The following NDUFA9 variants were observed in gnomAD, a reference collection of about 807,000 sequenced individuals.
The protein encoded by NDUFA9 is NADH:ubiquinone oxidoreductase subunit A9, also known as NADH dehydrogenase [ubiquinone] 1 alpha subcomplex subunit 9, mitochondrial.
NDUFA9 carries 23 observed loss-of-function variants against 45.9 expected under a neutral mutation model. That is an observed-to-expected ratio of 0.50 (90% CI 0.36 to 0.71). The LOEUF is 0.71. NDUFA9 is among the 30% of genes least tolerant of loss of function. The pLI, the probability that NDUFA9 is intolerant of heterozygous loss-of-function variation, is 0.00. For synonymous variants in NDUFA9, 176 were observed against 170.5 expected (o/e 1.03, Z -0.25); for missense variants, 466 against 488.2 (o/e 0.95, Z 0.43).
In NDUFA9 at chr12:4,657,821, G is replaced by C. The variant is rs373552358; in HGVS notation, c.392G>C (p.Gly131Ala). Residue 131 changes from glycine (G) to alanine (A), a missense_variant, in exon 4 of 11, where the codon GGA becomes GCA. Coordinates refer to ENST00000266544, the MANE Select transcript of NDUFA9 (RefSeq NM_005002.5). Reference protein sequence around the residue: ...QHSNVVINLIGRDWETKNFDF... With the variant: ...QHSNVVINLIARDWETKNFDF... The stretch of plus-strand genomic sequence containing the variant: ...AGCAATGTGGTCATCAATCTTATTG[G>C]ACGAGACTGGGAAACCAAGTAAGTC... 10 of 1,613,048 alleles carry C rather than the reference G, an allele frequency of 6.2e-6. No homozygotes were observed. The highest frequency in any genetic ancestry group is 3.3e-4 in the Middle Eastern group (2 of 6,082).
At position 4,682,228 on chromosome 12, in the gene NDUFA9, A is replaced by T. The variant is rs756650027; in HGVS notation, c.824A>T (p.His275Leu). 1.3e-5 allele frequency: 21 copies of T among 1,612,634 alleles called. No individual in the cohort carries two copies. In the African/African-American group the frequency reaches 2.7e-4, roughly 21 times the overall value. The change falls in exon 9 of 11, where the codon CAC (histidine) becomes CTC (leucine). Residue 275 changes from histidine to leucine, a missense_variant. Physicochemically the swap from His to Leu is moderately conservative, Grantham distance 99. Coordinates refer to ENST00000266544, the MANE Select transcript of NDUFA9 (RefSeq NM_005002.5). ...AGTCCCAGTCGGTACCTCCTTTTCC[A>T]CCTGGTGAAGTACATCTTTGCTGTG... ...FVGPSRYLLF[H>L]LVKYIFAVAH...
chr12:4,692,718 G>A lies in NDUFA9; in HGVS notation c.*5610G>A, dbSNP rs1020913841. The A allele has an allele frequency of 5.3e-5, 8 of 152,252 alleles. No homozygotes were observed. Among genetic ancestry groups the A allele is most frequent in the African/African-American group, 1.4e-4 (6 of 41,400 alleles). 9.4% of individuals were successfully genotyped at this position (152,252 alleles called of 1,614,324 possible). A position where few individuals can be genotyped will look rare whatever the true frequency, so the allele number is the denominator to read the frequency against. ...GCCTAGCCCTAGAGGGAATGGAAGG[G>A]CCAGAATCCAGAGCATAGGTGGGAT... On this transcript the variant is annotated 3_prime_UTR_variant, in exon 11 of 11. Transcript: ENST00000266544.
At chr12:4,685,441 C>A in intron 10 of NDUFA9, 116 bp downstream of exon 10, 2 of 937,872 alleles carry the variant, frequency 2.1e-6, no homozygotes, top group Non-Finnish European at 3.3e-6. Context: ...TTGCTGTCTG[C>A]AGTCAGCCCC....
chr12:4,654,943 A>G, intron 3 of NDUFA9, 21 bp downstream of exon 3: 1 of 1,577,192 alleles, frequency 6.3e-7, no homozygotes, highest in Non-Finnish European at 8.7e-7. Flanking sequence ...TTATGACTGA[A>G]TGAAGTTGAC....
chr12:4,665,670 C>T (rs948727638), intron 6 of NDUFA9, among the ~76,000 whole-genome samples: 3 of 151,766 alleles, frequency 2.0e-5, no homozygotes, highest in African/African-American at 7.3e-5. Flanking sequence ...ACAGTGGCTG[C>T]ACCATTTTAC....
In NDUFA9 at chr12:4,687,179, G is replaced by T. The variant is rs985810645; in HGVS notation, c.*71G>T. ...ATGTGGTTTGAGCACCCAGCCAGGCGGTCTCTTTAGAGGATCCTGTACACA... is the reference window on the plus strand; with the variant it reads ...ATGTGGTTTGAGCACCCAGCCAGGCTGTCTCTTTAGAGGATCCTGTACACA... On this transcript the variant is annotated 3_prime_UTR_variant, in exon 11 of 11. Transcript: ENST00000266544. 5 of 1,464,410 alleles carry T rather than the reference G, an allele frequency of 3.4e-6. No homozygotes were observed. The highest frequency in any genetic ancestry group is 4.7e-6 in the Non-Finnish European group (5 of 1,075,166). 90.7% of individuals were successfully genotyped at this position (1,464,410 alleles called of 1,614,324 possible). A position where few individuals can be genotyped will look rare whatever the true frequency, so the allele number is the denominator to read the frequency against.
At chr12:4,678,968 T>C (rs1945936797) in intron 8 of NDUFA9, among the ~76,000 whole-genome samples, 1 of 152,212 alleles carries the variant, frequency 6.6e-6, no homozygotes, top group Admixed American at 6.5e-5. Flanking sequence ...AGATTTGCAC[T>C]TGAATTTTCA....
chr12:4,653,381 C>T (rs56027146), intron 1 of NDUFA9: 1 of 242,786 alleles, frequency 4.1e-6, no homozygotes, highest in South Asian at 4.7e-5. Flanking sequence ...AACTTTCTTT[C>T]TGTTAGAATG....
chr12:4,656,858 A>G (rs1015649007), intron 3 of NDUFA9, among the ~76,000 whole-genome samples: 2 of 152,236 alleles, frequency 1.3e-5, no homozygotes, highest in East Asian at 1.9e-4. Flanking sequence ...CTCCAAAGCC[A>G]CTGTTTAGAC....
intron 3 of NDUFA9, chr12:4,655,854 A>G (rs1349545673): frequency 1.3e-5 from 2 of 152,166 alleles, no homozygotes; most frequent in Non-Finnish European, 2.9e-5. Flanking sequence ...TGTCCTGGTT[A>G]TTAGGTACAG....
intron 9 of NDUFA9, among the ~76,000 whole-genome samples, chr12:4,682,753 T>A (rs777943790): frequency 3.2e-4 from 48 of 152,230 alleles, no homozygotes; most frequent in Non-Finnish European, 5.6e-4. Context: ...TTAGTTTACT[T>A]CTTCTCTTTG....
chr12:4,685,378 T>A, intron 10 of NDUFA9, 53 bp downstream of exon 10: 1 of 1,517,456 alleles, frequency 6.6e-7, no homozygotes. Context: ...GGCGTTAGAC[T>A]TATTTTGCTT....
In NDUFA9 at chr12:4,654,828, G is replaced by A. The variant is rs35263902; in HGVS notation, c.224G>A (p.Arg75His). ...LGRYVVNHLG[R>H]MGSQVIIPYR... ...TTTTCAATCCATTCTCTTTTAGGAC[G>A]CATGGGGTCACAGGTAATCATACCC... The change falls in exon 3 of 11, where the codon CGC (arginine) becomes CAC (histidine). Residue 75 changes from arginine to histidine, a missense_variant. Physicochemically the swap from Arg to His is conservative, Grantham distance 29. Transcript: ENST00000266544. 4.3e-4 allele frequency: 697 copies of A among 1,609,226 alleles called. 3 individuals carry two copies. The African/African-American group carries it at 6.7e-3, about 15-fold the overall frequency.
intron 5 of NDUFA9, among the ~76,000 whole-genome samples, chr12:4,661,204 C>T (rs562883570): frequency 2.0e-5 from 3 of 152,104 alleles, no homozygotes; most frequent in South Asian, 2.1e-4. Context: ...CTTTATATAC[C>T]GGGGTTTGTA....
rs745611828 is a variant in NDUFA9, at chr12:4,649,147, C to T, written c.21C>T (p.Ser7=). Residue 7 remains serine, a synonymous_variant, in exon 1 of 11, where the codon TCC becomes TCT. Coordinates refer to ENST00000266544, the MANE Select transcript of NDUFA9 (RefSeq NM_005002.5). ...AAAAGATGGCGGCTGCCGCACAATC[C>T]CGGGTTGTCCGGGTCCTGTCAATGT... MAAAAQ[S]RVVRVLSMSR... 4.4e-6 allele frequency: 7 copies of T among 1,604,596 alleles called. No homozygotes were observed. The highest frequency in any genetic ancestry group is 1.3e-5 in the African/African-American group (1 of 74,826).
intron 10 of NDUFA9, among the ~76,000 whole-genome samples, chr12:4,686,424 GTTTT>G (rs111320780): frequency 3.7e-5 from 5 of 135,552 alleles, no homozygotes; most frequent in Middle Eastern, 3.9e-3. Context: ...AAAGTTACTT[GTTTT>G]TTTTTTTTTT....
At position 4,668,523 on chromosome 12, in the gene NDUFA9, A is replaced by G. The variant is rs139012735; in HGVS notation, c.722A>G (p.Tyr241Cys). The G allele has an allele frequency of 1.1e-4, 175 of 1,609,448 alleles. No individual in the cohort carries two copies. In the African/African-American group the frequency reaches 2.2e-3, roughly 21 times the overall value. The change falls in exon 7 of 11, where the codon TAT becomes TGT. Residue 241 changes from tyrosine (Y) to cysteine (C), a missense_variant and splice_region_variant. Tyr to Cys is a radical substitution (Grantham distance 194). Coordinates refer to ENST00000266544, the MANE Select transcript of NDUFA9 (RefSeq NM_005002.5). ...LGWKTVKQPV[Y>C]VVDVSKGIVN... is the part of the protein sequence containing the mutation. Reference sequence around the variant, plus strand: ...TGGAAGACAGTTAAACAACCAGTATATGTAAGTACTTGGATGAAGGGGGTC... The same window carrying G: ...TGGAAGACAGTTAAACAACCAGTATGTGTAAGTACTTGGATGAAGGGGGTC...
chr12:4,665,143 A>G (rs1192016280), intron 6 of NDUFA9, among the ~76,000 whole-genome samples: 2 of 152,204 alleles, frequency 1.3e-5, no homozygotes, highest in African/African-American at 2.4e-5. Flanking sequence ...TTGTAAGAGT[A>G]CAGTTCAGTA....
chr12:4,679,129 A>G (rs1041238109), intron 8 of NDUFA9, among the ~76,000 whole-genome samples: 7 of 152,332 alleles, frequency 4.6e-5, no homozygotes, highest in Non-Finnish European at 7.4e-5. Context: ...TGTGAACCTC[A>G]AAAACATGGT....
Sources: allele counts gnomAD v4.1 joint callset (sites outside exome capture counted in the v4.1 genomes callset), GRCh38; gene constraint gnomAD v4.1.1; transcripts MANE v1.5; gene names NCBI Gene and HGNC (gene_info 2026-07-23, HGNC 2026-07-21).